Variants in ASXL1 observed in about 807,000 individuals in gnomAD.
The protein encoded by ASXL1 is polycomb group protein ASXL1.
In ASXL1, 65 loss-of-function variants were observed where a neutral mutation model predicts 89.1. That is an observed-to-expected ratio of 0.73 (90% confidence interval 0.60 to 0.90). ASXL1 has a LOEUF of 0.90. Among genes scored for constraint, ASXL1 ranks in the 40% least tolerant of loss-of-function variants. ASXL1 has a pLI of 0.00. For missense variants in ASXL1, 1,786 were observed against 1,942.9 expected (o/e 0.92, Z 1.52); for synonymous variants, 739 against 746.9 (o/e 0.99, Z 0.17).
intron 4 of ASXL1, among the ~76,000 whole-genome samples, chr20:32,370,776 A>G (rs1432306537): frequency 1.3e-5 from 2 of 151,828 alleles, no homozygotes; most frequent in Admixed American, 6.6e-5. Flanking sequence ...TTTATATCCA[A>G]TAGTTTGGTC....
At chr20:32,366,745 G>A (rs1279552054) in intron 2 of ASXL1, among the ~76,000 whole-genome samples, 2 of 152,092 alleles carry the variant, frequency 1.3e-5, no homozygotes, top group African/African-American at 4.8e-5. Context: ...AGGAGTCAGG[G>A]CACATTTTCT....
In ASXL1 at chr20:32,435,409, A is replaced by G; in HGVS notation, c.2697A>G (p.Ile899Met). Residue 899 changes from isoleucine (I) to methionine (M), a missense_variant, in exon 13 of 13, where the codon ATA (isoleucine) becomes ATG (methionine). This residue lies in a region of ASXL1 where 1,418 missense variants were observed against 1,427.8 expected (regional missense o/e 0.99). Coordinates refer to ENST00000375687, the MANE Select transcript of ASXL1 (RefSeq NM_015338.6). The stretch of plus-strand genomic sequence containing the variant: ...TTTCTAACAGTTCTTTGCATTGGAT[A>G]CCCATCCCATCGAATGATGAGGTAG... ...ALVSNSSLHW[I>M]PIPSNDEVVK... 6.2e-6 allele frequency: 10 copies of G among 1,614,154 alleles called. No homozygotes were observed. The highest frequency in any genetic ancestry group is 8.5e-6 in the Non-Finnish European group (10 of 1,180,020).
At chr20:32,379,513 T>G (rs1337100716) in intron 4 of ASXL1, among the ~76,000 whole-genome samples, 1 of 151,446 alleles carries the variant, frequency 6.6e-6, no homozygotes. Context: ...CAGCCAACAT[T>G]ATTCACTTTT....
chr20:32,436,296 A>G lies in ASXL1; in HGVS notation c.3584A>G (p.Gln1195Arg). Reference protein sequence around the residue: ...GTGLARIEATQAPGAPQKNCK... With the variant: ...GTGLARIEATRAPGAPQKNCK... ...GGTCTTGCCAGGATTGAGGCCACCC[A>G]GGCTCCTGGAGCACCCCAAAAGAAT... Residue 1195 changes from glutamine (Q) to arginine (R), a missense_variant, in exon 13 of 13, where the codon CAG becomes CGG. Gln to Arg is a conservative substitution (Grantham distance 43). Coordinates refer to ENST00000375687, the MANE Select transcript of ASXL1 (RefSeq NM_015338.6). The G allele has an allele frequency of 4.3e-6, 7 of 1,614,192 alleles. No homozygotes were observed. The highest frequency in any genetic ancestry group is 1.3e-5 in the African/African-American group (1 of 75,068).
chr20:32,358,504 C>A lies in ASXL1; in HGVS notation c.-272C>A, dbSNP rs2048049372. The A allele has an allele frequency of 4.4e-6, 1 of 228,702 alleles. No individual in the cohort carries two copies. Among genetic ancestry groups the A allele is most frequent in the East Asian group, 6.1e-5 (1 of 16,334 alleles). The allele number at this position is 228,702 out of a possible 1,614,324, so 14.2% of individuals were successfully genotyped here. Reference sequence around the variant, plus strand: ...CGTGGTTATGCGGAGCCGCCGCATTCCTTAGCGATCGCGGGGCAGCCGCCG... The same window carrying A: ...CGTGGTTATGCGGAGCCGCCGCATTACTTAGCGATCGCGGGGCAGCCGCCG... On this transcript the variant is annotated 5_prime_UTR_variant, in exon 1 of 13. Transcript: ENST00000375687.
chr20:32,378,649 A>G (rs73906134), intron 4 of ASXL1, among the ~76,000 whole-genome samples: 1,588 of 152,080 alleles, frequency 0.01, 28 homozygotes, highest in African/African-American at 0.036. Flanking sequence ...TACACTTGGA[A>G]TTTCCTGTTG....
At chr20:32,381,155 A>AT (rs1345036421) in intron 4 of ASXL1, among the ~76,000 whole-genome samples, 1 of 152,242 alleles carries the variant, frequency 6.6e-6, no homozygotes. Flanking sequence ...TATTGGCTGC[A>AT]TGCAACCAAA....
At chr20:32,377,381 A>G (rs1427231105) in intron 4 of ASXL1, among the ~76,000 whole-genome samples, 1 of 151,626 alleles carries the variant, frequency 6.6e-6, no homozygotes, top group Non-Finnish European at 1.5e-5. Context: ...GGACTTACCT[A>G]TGATTGTCAG....
chr20:32,432,268 CAGT>C (rs1569322185), intron 10 of ASXL1: 2 of 176,222 alleles, frequency 1.1e-5, no homozygotes, highest in Non-Finnish European at 2.5e-5. Flanking sequence ...GGTCCTCTCT[CAGT>C]GGTGTCACAC....
chr20:32,406,369 A>T (rs1171222349), intron 4 of ASXL1, among the ~76,000 whole-genome samples: 1 of 151,802 alleles, frequency 6.6e-6, no homozygotes, highest in East Asian at 1.9e-4. Flanking sequence ...GCAACATGTC[A>T]AAACCCCATC....
In ASXL1 at chr20:32,429,288, G is replaced by T. The variant is rs757275957; in HGVS notation, c.472-50G>T. The T allele has an allele frequency of 3.8e-6, 6 of 1,568,362 alleles. No homozygotes were observed. Among genetic ancestry groups the T allele is most frequent in the Non-Finnish European group, 5.3e-6 (6 of 1,141,928 alleles). Reference sequence around the variant, plus strand: ...GATAGTGTCGCCAGGGAATGCTTTTGTGGCTCTGCAGTTGACTTGGGCTCT... The same window carrying T: ...GATAGTGTCGCCAGGGAATGCTTTTTTGGCTCTGCAGTTGACTTGGGCTCT... On this transcript the variant is annotated intron_variant, in intron 6 of 12. Coordinates refer to ENST00000375687, the MANE Select transcript of ASXL1 (RefSeq NM_015338.6). This position sits in a 1 kb window ranked among gnomAD's most constrained non-coding sequence, Gnocchi z 4.9.
chr20:32,360,078 AAAT>A (rs1423005719), intron 1 of ASXL1: 3 of 472,612 alleles, frequency 6.3e-6, no homozygotes, highest in Non-Finnish European at 1.2e-5. Context: ...AAAAAAAAAA[AAAT>A]AGACTGTATT....
At chr20:32,393,291 G>A (rs561308950) in intron 4 of ASXL1, among the ~76,000 whole-genome samples, 18 of 152,074 alleles carry the variant, frequency 1.2e-4, no homozygotes, top group African/African-American at 1.4e-4. Flanking sequence ...ATAGCTACTC[G>A]TGCTTTTCAT....
chr20:32,396,803 A>G (rs1476918085), intron 4 of ASXL1, among the ~76,000 whole-genome samples: 1 of 152,144 alleles, frequency 6.6e-6, no homozygotes, highest in African/African-American at 2.4e-5. Context: ...CTCTCAGTAT[A>G]CATATTTGTT....
chr20:32,432,017 CTCTG>C (rs2011531602), intron 10 of ASXL1, among the ~76,000 whole-genome samples: 1 of 152,114 alleles, frequency 6.6e-6, no homozygotes, highest in East Asian at 1.9e-4. Flanking sequence ...CTCCACCATG[CTCTG>C]TCTTTTTAGG....
intron 4 of ASXL1, among the ~76,000 whole-genome samples, chr20:32,374,627 C>G (rs2048348455): frequency 6.6e-6 from 1 of 151,926 alleles, no homozygotes. Context: ...TTTAAGAATT[C>G]CAGATTTCCA....
At chr20:32,399,498 A>ATT (rs566676378) in intron 4 of ASXL1, among the ~76,000 whole-genome samples, 2 of 98,326 alleles carry the variant, frequency 2.0e-5, no homozygotes, top group South Asian at 3.1e-4. Context: ...CAGGTTTCGG[A>ATT]TTTTTTTTTT....
In ASXL1 at chr20:32,436,731, C is replaced by T. The variant is rs1277513406; in HGVS notation, c.4019C>T (p.Pro1340Leu). 8 of 1,614,078 alleles carry T rather than the reference C, an allele frequency of 5.0e-6. No homozygotes were observed. The highest frequency in any genetic ancestry group is 1.7e-5 in the Admixed American group (1 of 60,020). The change falls in exon 13 of 13, where the codon CCA (proline) becomes CTA (leucine). Residue 1340 changes from proline (P) to leucine (L), a missense_variant. Transcript: ENST00000375687. ...GTTTTTCCCAGTGGGAAGTTGGGAC[C>T]AAGCACAAACTCCATGTCTGGTGGG... ...PPVFPSGKLG[P>L]STNSMSGGVQ...
intron 4 of ASXL1, among the ~76,000 whole-genome samples, chr20:32,377,181 A>AT (rs1190804524): frequency 4.2e-5 from 6 of 143,220 alleles, no homozygotes; most frequent in African/African-American, 1.3e-4. Flanking sequence ...TATATAATAT[A>AT]TTATAGATAT....
Sources: allele counts gnomAD v4.1 joint callset (sites outside exome capture counted in the v4.1 genomes callset), GRCh38; gene constraint gnomAD v4.1.1; regional missense constraint gnomAD v4.1.1; non-coding constraint Gnocchi (gnomAD v3.1); transcripts MANE v1.5; gene names NCBI Gene and HGNC (gene_info 2026-07-23, HGNC 2026-07-21).